The following PSME4 variants were observed in gnomAD, a reference collection of about 807,000 sequenced individuals.
PSME4 encodes the protein proteasome activator subunit 4.
Under a neutral mutation model 253.9 loss-of-function variants are expected in PSME4, and 89 were observed. That is an observed-to-expected ratio of 0.35 (90% CI 0.30 to 0.42). The LOEUF (loss-of-function observed/expected upper bound fraction) is 0.42. Ranked by LOEUF, PSME4 falls within the 10% of genes least tolerant of loss-of-function variation. PSME4 has a pLI of 1.00. For missense variants in PSME4, 2,014 were observed against 2,195.2 expected (o/e 0.92, Z 1.65); for synonymous variants, 851 against 759.2 (o/e 1.12, Z -1.99).
At chr2:53,947,035 T>C (rs1573354224) in intron 3 of PSME4, among the ~76,000 whole-genome samples, 6 of 152,354 alleles carry the variant, frequency 3.9e-5, no homozygotes, top group Admixed American at 6.5e-5. Context: ...GCTATTTTTA[T>C]GGTTGAAATG....
rs1298080650 is a variant in PSME4 at position 53,939,997 on chromosome 2, A to G, written c.504T>C (p.Ser168=). 6.3e-7 allele frequency: 1 copy of G among 1,584,470 alleles called. No individual in the cohort carries two copies. Among genetic ancestry groups the G allele is most frequent in the Non-Finnish European group, 8.6e-7 (1 of 1,158,876 alleles). The change falls in exon 4 of 47, where the codon TCT becomes TCC. Residue 168 remains serine (S), a synonymous_variant. Coordinates refer to ENST00000404125, the MANE Select transcript of PSME4 (RefSeq NM_014614.3). ...EHLGLNWFPN[S]VENILKTLVK... ...CGAGTGTTTTGAGAATATTTTCTAC[A>G]GAACTGGGGGGGGAAAGCCATTTGA...
At chr2:53,945,740 T>G (rs1257561731) in intron 3 of PSME4, among the ~76,000 whole-genome samples, 1 of 152,210 alleles carries the variant, frequency 6.6e-6, no homozygotes, top group Non-Finnish European at 1.5e-5. Context: ...ATCTTTCACT[T>G]TTGATTATAA....
intron 3 of PSME4, among the ~76,000 whole-genome samples, chr2:53,944,498 A>G (rs1351618720): frequency 6.6e-6 from 1 of 152,200 alleles, no homozygotes; most frequent in Non-Finnish European, 1.5e-5. Flanking sequence ...ATAAAAGAAT[A>G]TTTTTTAAAT....
chr2:53,908,217 C>T, intron 24 of PSME4, 103 bp downstream of exon 24: 1 of 827,080 alleles, frequency 1.2e-6, no homozygotes, highest in Non-Finnish European at 1.8e-6. Flanking sequence ...TACTATTTTT[C>T]CTTTTAGGAA....
chr2:53,940,917 A>AATATATATAATACATATTTAAATATAT (rs1558413333), intron 3 of PSME4, among the ~76,000 whole-genome samples: 1 of 69,288 alleles, frequency 1.4e-5, no homozygotes, highest in Non-Finnish European at 3.0e-5. Flanking sequence ...TACATATTTA[A>AATATATATAATACATATTTAAATATAT]ATATATATAT....
At chr2:53,967,681 T>TAAAAAAAAAA (rs1670810438) in intron 1 of PSME4, among the ~76,000 whole-genome samples, 10 of 39,898 alleles carry the variant, frequency 2.5e-4, no homozygotes, top group East Asian at 1.0e-3. Flanking sequence ...AAAAAAAAAG[T>TAAAAAAAAAA]CAAAAAGAGG....
rs770046958 is a variant in PSME4 at position 53,920,234 on chromosome 2, G to C, written c.2379C>G (p.Val793=). ...TTCCATCCCCACAATGCTGGAGTTT[G>C]ACGAGCTCAGGCTGAAGAAAGGAGT... ...LLDSFLQPEL[V]KLQHCGDGKL... Residue 793 remains valine, a synonymous_variant, in exon 19 of 47, where the codon GTC becomes GTG. Transcript: ENST00000404125. 1.1e-5 allele frequency: 18 copies of C among 1,613,296 alleles called. No homozygotes were observed. Among genetic ancestry groups the C allele is most frequent in the Admixed American group, 3.3e-5 (2 of 59,984 alleles).
chr2:53,910,778 A>G, intron 20 of PSME4, among the ~76,000 whole-genome samples: 1 of 152,258 alleles, frequency 6.6e-6, no homozygotes, highest in East Asian at 1.9e-4. Flanking sequence ...CAGATTTTAT[A>G]GGAAAATGAG....
intron 38 of PSME4, 32 bp downstream of exon 38, chr2:53,888,689 G>A: frequency 1.4e-6 from 2 of 1,466,746 alleles, no homozygotes; most frequent in African/African-American, 2.8e-5. Flanking sequence ...AACCTTTCGT[G>A]TTAACCTCAT....
At chr2:53,911,463 G>C (rs920977169) in intron 20 of PSME4, among the ~76,000 whole-genome samples, 1 of 152,056 alleles carries the variant, frequency 6.6e-6, no homozygotes, top group Non-Finnish European at 1.5e-5. Flanking sequence ...TCCAAAATCT[G>C]TTAGTAAAAA....
At chr2:53,888,055 A>C (rs1679723309) in intron 38 of PSME4, 66 bp from the exon 39 acceptor site, 1 of 1,479,146 alleles carries the variant, frequency 6.8e-7, no homozygotes, top group Non-Finnish European at 9.1e-7. Context: ...GACAGTATGG[A>C]CAGACAATAT....
chr2:53,934,628 C>G lies in PSME4; in HGVS notation c.934G>C (p.Val312Leu). ...ACCATCATGGCGGTGATCCATATTA[C>G]AGCATGTCCTATATCATAAGCATTT... The part of the protein sequence containing the change: ...LTNAYDIGHA[V>L]IWITAMMGGP... Residue 312 changes from valine (V) to leucine (L), a missense_variant, in exon 8 of 47, where the codon GTA becomes CTA. Physicochemically the swap from Val to Leu is conservative, Grantham distance 32. Transcript: ENST00000404125. 1 of 1,612,474 alleles carries G rather than the reference C, an allele frequency of 6.2e-7. No individual in the cohort carries two copies. The highest frequency in any genetic ancestry group is 1.1e-5 in the South Asian group (1 of 90,844).
intron 1 of PSME4, among the ~76,000 whole-genome samples, chr2:53,951,576 A>G (rs1445194851): frequency 1.3e-5 from 2 of 152,142 alleles, no homozygotes; most frequent in African/African-American, 2.4e-5. Flanking sequence ...TAGAGGGAGG[A>G]GCAATGAGAC....
At chr2:53,946,287 T>G (rs562160576) in intron 3 of PSME4, among the ~76,000 whole-genome samples, 1 of 152,338 alleles carries the variant, frequency 6.6e-6, no homozygotes, top group Non-Finnish European at 1.5e-5. Context: ...GAAACCGCCT[T>G]ACCTCCTCCT....
At chr2:53,925,771 G>T (rs1668530654) in intron 13 of PSME4, 82 bp from the exon 14 acceptor site, 3 of 1,400,778 alleles carry the variant, frequency 2.1e-6, no homozygotes, top group Non-Finnish European at 3.0e-6. Flanking sequence ...ACTCTCTATT[G>T]TCCTAATTAT....
intron 8 of PSME4, among the ~76,000 whole-genome samples, chr2:53,934,383 GATTTTTGACTCT>G (rs1168080864): frequency 6.6e-6 from 1 of 152,128 alleles, no homozygotes. Flanking sequence ...CAAAACCCTA[GATTTTTGACTCT>G]ATTTATAATG....
At chr2:53,968,073 G>C (rs1490146765) in intron 1 of PSME4, among the ~76,000 whole-genome samples, 1 of 152,058 alleles carries the variant, frequency 6.6e-6, no homozygotes, top group East Asian at 1.9e-4. Context: ...AGGAGTTCAA[G>C]ACCAGCCTGA....
chr2:53,865,837 C>T (rs998235686), intron 46 of PSME4: 4 of 437,586 alleles, frequency 9.1e-6, no homozygotes, highest in African/African-American at 6.1e-5. Context: ...CCCAGGCTGA[C>T]ACCACTCATC....
rs150190031 is a variant in PSME4, at chr2:53,931,906, T to C, written c.1245A>G (p.Leu415=). ...LLAMFSKTGS[L]EAAQALQNLA... ...GATTCTGCAAAGCCTGGGCTGCTTC[T>C]AGACTACCGGTTTTGCTAAACATAG... Residue 415 remains leucine, a synonymous_variant, in exon 10 of 47, where the codon CTA becomes CTG. Transcript: ENST00000404125. The C allele has an allele frequency of 1.3e-4, 207 of 1,614,196 alleles. No individual in the cohort carries two copies. In the African/African-American group the frequency reaches 2.5e-3, roughly 19 times the overall value.
Sources: gnomAD v4.1 joint callset for allele counts (sites outside exome capture counted in the v4.1 genomes callset) on GRCh38, gnomAD v4.1.1 for gene constraint, MANE v1.5 for transcripts, NCBI Gene and HGNC (gene_info 2026-07-23, HGNC 2026-07-21) for gene names.